Variants in ASAP1 observed in about 807,000 individuals in gnomAD.
ASAP1 encodes ArfGAP with SH3 domain, ankyrin repeat and PH domain 1, also known as arf-GAP with SH3 domain, ANK repeat and PH domain-containing protein 1.
A neutral mutation model predicts 145.2 loss-of-function variants in ASAP1; 43 were observed. The observed-to-expected ratio is 0.30, with a 90% CI of 0.23 to 0.38. The LOEUF is 0.38. Among genes scored for constraint, ASAP1 ranks in the 10% least tolerant of loss-of-function variants. The pLI is 1.00. For missense variants in ASAP1, 1,018 were observed against 1,355.3 expected, an observed-to-expected ratio of 0.75 and a Z score of 3.91; for synonymous variants, 546 against 515.5, an observed-to-expected ratio of 1.06 and a Z score of -0.80.
chr8:130,350,225 T>C (rs1378984920), intron 3 of ASAP1, among the ~76,000 whole-genome samples: 1 of 152,202 alleles, frequency 6.6e-6, no homozygotes, highest in Non-Finnish European at 1.5e-5. Flanking sequence ...AGAAGCAAGT[T>C]ACATGGAGTG....
rs1565320048 is a variant in ASAP1 at position 130,443,568 on chromosome 8, GGC to G, written c.-138_-137del. On this transcript the variant is annotated 5_prime_UTR_variant, in exon 1 of 30. It removes the in-frame stop codon of an upstream open reading frame in the 5' UTR. Transcript: ENST00000518721. ...ACCGGGAAGCGCCGGCTGGGCGGGAGGCGCGGGCCCGGGGCTGCCCAGCGCAC... is the reference window on the plus strand; with the variant it reads ...ACCGGGAAGCGCCGGCTGGGCGGGAGGCGGGCCCGGGGCTGCCCAGCGCAC... 2 of 151,008 alleles carry G rather than the reference GGC, an allele frequency of 1.3e-5. No individual in the cohort carries two copies. Among genetic ancestry groups the G allele is most frequent in the Non-Finnish European group, 3.0e-5 (2 of 67,690 alleles). The allele number at this position is 151,008 out of a possible 1,614,324, so 9.4% of individuals were successfully genotyped here. A position where few individuals can be genotyped will look rare whatever the true frequency, so the allele number is the denominator to read the frequency against.
At chr8:130,137,960 G>A (rs1474738693) in intron 13 of ASAP1, among the ~76,000 whole-genome samples, 1 of 152,210 alleles carries the variant, frequency 6.6e-6, no homozygotes, top group East Asian at 1.9e-4. Flanking sequence ...GCTCGAACAC[G>A]AGAAGCCTGG....
At chr8:130,217,583 G>A (rs546879878) in intron 4 of ASAP1, among the ~76,000 whole-genome samples, 2 of 136,784 alleles carry the variant, frequency 1.5e-5, no homozygotes, top group Admixed American at 7.8e-5. Flanking sequence ...CCACCAGACC[G>A]CAAGAGGCAG....
Position 130,124,083 on chromosome 8 carries a change from T to C in ASAP1, c.1537A>G (p.Asn513Asp). 3.1e-6 allele frequency: 5 copies of C among 1,606,336 alleles called. No individual in the cohort carries two copies. Among genetic ancestry groups the C allele is most frequent in the Non-Finnish European group, 4.2e-6 (5 of 1,178,118 alleles). ...GCTTCCATAATATCATTAAAACTAT[T>C]GTTTCCTACATTCTTGGCCAGCTGT... ...ELLLAKNVGNNSFNDIMEANL... is the reference protein window; with the variant it reads ...ELLLAKNVGNDSFNDIMEANL... Residue 513 changes from asparagine to aspartate, a missense_variant, in exon 18 of 30, where the codon AAT (asparagine) becomes GAT (aspartate). Physicochemically the swap from Asn to Asp is conservative, Grantham distance 23. Transcript: ENST00000518721.
At chr8:130,163,578 T>C (rs2097673986) in intron 11 of ASAP1, among the ~76,000 whole-genome samples, 1 of 152,226 alleles carries the variant, frequency 6.6e-6, no homozygotes, top group African/African-American at 2.4e-5. Flanking sequence ...GTCACACCGA[T>C]TATTACTTGT....
At chr8:130,074,486 C>CACACAG (rs5895034) in intron 27 of ASAP1, among the ~76,000 whole-genome samples, 5,081 of 140,460 alleles carry the variant, frequency 0.036, 237 homozygotes, top group East Asian at 0.07. Flanking sequence ...CACACACACA[C>CACACAG]AGAGAGAACG....
chr8:130,203,898 T>C (rs1458870139), intron 5 of ASAP1, among the ~76,000 whole-genome samples: 1 of 152,244 alleles, frequency 6.6e-6, no homozygotes, highest in Non-Finnish European at 1.5e-5. Flanking sequence ...CATCATTGTC[T>C]ATGTTTTAAT....
At chr8:130,237,142 C>T in intron 3 of ASAP1, 148 bp from the exon 4 acceptor site, 1 of 594,054 alleles carries the variant, frequency 1.7e-6, no homozygotes, top group East Asian at 2.8e-5. Context: ...TCATATCAGA[C>T]TGGAAGTCCC....
intron 3 of ASAP1, among the ~76,000 whole-genome samples, chr8:130,319,718 G>A (rs78651123): frequency 0.016 from 2,486 of 152,198 alleles, 68 homozygotes; most frequent in African/African-American, 0.055. Flanking sequence ...TTAAAATAGC[G>A]GAGGGATGGA....
At chr8:130,098,211 T>C (rs1478271436) in intron 24 of ASAP1, among the ~76,000 whole-genome samples, 1 of 152,172 alleles carries the variant, frequency 6.6e-6, no homozygotes, top group Admixed American at 6.5e-5. Context: ...CAGAACCCCA[T>C]TCTGTCTGAC....
At chr8:130,247,059 T>A (rs1021605726) in intron 3 of ASAP1, 1 of 152,224 alleles carries the variant, frequency 6.6e-6, no homozygotes, top group African/African-American at 2.4e-5. Flanking sequence ...TTTGAGGTCA[T>A]AGAGACCTGT....
intron 24 of ASAP1, among the ~76,000 whole-genome samples, chr8:130,098,790 C>A (rs192684879): frequency 6.6e-6 from 1 of 152,104 alleles, no homozygotes; most frequent in African/African-American, 2.4e-5. Context: ...GTGTTGTGAA[C>A]ATTCAAAATC....
chr8:130,341,774 G>A (rs1175626526), intron 3 of ASAP1, among the ~76,000 whole-genome samples: 1 of 152,030 alleles, frequency 6.6e-6, no homozygotes, highest in East Asian at 1.9e-4. Flanking sequence ...CAGGCTTTAG[G>A]GAAGTCCTGG....
rs544999070 is a variant in ASAP1 at position 130,305,239 on chromosome 8, C to T, written c.186+52778G>A. ...ACTGTTTATTTCTTGACTGCCTGTC[C>T]CCACTAAAAAACAAATTCAATGCAC... On this transcript the variant is annotated intron_variant, in intron 3 of 29. Coordinates refer to ENST00000518721, the MANE Select transcript of ASAP1 (RefSeq NM_018482.4). 8.5e-5 allele frequency among the ~76,000 whole-genome samples: 13 copies of T among 152,284 alleles called. 1 individual carries two copies. The highest frequency in any genetic ancestry group is 1.7e-4 in the African/African-American group (7 of 41,546).
intron 27 of ASAP1, among the ~76,000 whole-genome samples, chr8:130,072,069 A>G (rs1411597436): frequency 6.6e-6 from 1 of 152,040 alleles, no homozygotes; most frequent in Non-Finnish European, 1.5e-5. Flanking sequence ...GTCTTAAAAC[A>G]CCTTCCATGA....
intron 13 of ASAP1, among the ~76,000 whole-genome samples, chr8:130,138,527 G>T (rs2097600820): frequency 6.6e-6 from 1 of 152,170 alleles, no homozygotes; most frequent in South Asian, 2.1e-4. Context: ...TTGTGGGCCT[G>T]CAAGTTTTTC....
chr8:130,102,319 T>C (rs1487434528), intron 24 of ASAP1, among the ~76,000 whole-genome samples: 1 of 152,234 alleles, frequency 6.6e-6, no homozygotes, highest in Non-Finnish European at 1.5e-5. Flanking sequence ...GATGTTGAAT[T>C]TTATCAAATG....
intron 2 of ASAP1, among the ~76,000 whole-genome samples, chr8:130,370,072 G>A (rs1333621135): frequency 6.6e-6 from 1 of 152,166 alleles, no homozygotes; most frequent in Non-Finnish European, 1.5e-5. Context: ...AGGCTGAGGT[G>A]GGGAGATCAC....
intron 3 of ASAP1, among the ~76,000 whole-genome samples, chr8:130,309,042 G>T (rs1406859905): frequency 6.6e-6 from 1 of 152,182 alleles, no homozygotes; most frequent in Non-Finnish European, 1.5e-5. Flanking sequence ...CATAATAAAA[G>T]AGGTGAGAGT....
Sources: allele counts gnomAD v4.1 joint callset (sites outside exome capture counted in the v4.1 genomes callset), GRCh38; gene constraint gnomAD v4.1.1; transcripts MANE v1.5; gene names NCBI Gene and HGNC (gene_info 2026-07-23, HGNC 2026-07-21).